RANBP3: variants seen among roughly 807,000 people sequenced by gnomAD.
RANBP3 encodes RAN binding protein 3.
A neutral mutation model predicts 77.3 loss-of-function variants in RANBP3; 14 were observed. The observed-to-expected ratio is 0.18, with a 90% confidence interval of 0.12 to 0.28. The LOEUF is 0.28. Ranked by LOEUF, RANBP3 falls within the 10% of genes least tolerant of loss-of-function variation. The probability of loss-of-function intolerance (pLI) is 1.00; values close to 1 mark genes in which losing one functional copy is unlikely to be tolerated. For synonymous variants in RANBP3, 315 were observed against 312.4 expected, an observed-to-expected ratio of 1.01 and a Z score of -0.09; for missense variants, 586 against 752.3, an observed-to-expected ratio of 0.78 and a Z score of 2.59.
rs35895100 is a variant in RANBP3, at chr19:5,917,633, C to T, written c.1681G>A (p.Gly561Arg). 3.1e-6 allele frequency: 5 copies of T among 1,605,874 alleles called. No individual in the cohort carries two copies. The highest frequency in any genetic ancestry group is 2.2e-5 in the East Asian group (1 of 44,720). The change falls in exon 17 of 17, where the codon GGG becomes AGG. Residue 561 changes from glycine (G) to arginine (R), a missense_variant. Gly to Arg is a moderately radical substitution (Grantham distance 125). Transcript: ENST00000340578. ...CGCTATGTGCTCCCGGTCGTCTGCCCGTCCCCTTCGTCACCAGCACCTGCA... is the reference window on the plus strand; with the variant it reads ...CGCTATGTGCTCCCGGTCGTCTGCCTGTCCCCTTCGTCACCAGCACCTGCA... ...TAAGAGDEGD[G>R]QTTGST
At chr19:5,925,582 G>A (rs554204933) in intron 10 of RANBP3, 52 bp downstream of exon 10, 61 of 1,529,822 alleles carry the variant, frequency 4.0e-5, no homozygotes, top group Admixed American at 1.2e-4. Context: ...AGAAGCCCTC[G>A]CGGCCACCTG....
intron 2 of RANBP3, among the ~76,000 whole-genome samples, chr19:5,956,669 C>G (rs73920099): frequency 0.025 from 3,852 of 152,236 alleles, 162 homozygotes; most frequent in African/African-American, 0.089. Flanking sequence ...CCTCCCCAAC[C>G]CCTACAAACA....
chr19:5,958,932 AG>A lies in RANBP3; in HGVS notation c.23-960del, dbSNP rs1189779147. Among the ~76,000 whole-genome samples the A allele has an allele frequency of 6.6e-6, 1 of 152,210 alleles. No homozygotes were observed. The highest frequency in any genetic ancestry group is 1.5e-5 in the Non-Finnish European group (1 of 68,040). On this transcript the variant is annotated intron_variant, in intron 1 of 16. Transcript: ENST00000340578. The surrounding 1 kb of genome is among the most constrained non-coding windows in gnomAD (Gnocchi z 4.4). ...GCGCACTGGTGCCTCCGCGTTGAGC[AG>A]GGTTTGGGAAGAGCCCTGCCTTCGC...
chr19:5,938,651 C>T (rs2058096000), intron 5 of RANBP3, among the ~76,000 whole-genome samples: 1 of 152,160 alleles, frequency 6.6e-6, no homozygotes, highest in African/African-American at 2.4e-5. Context: ...AAGATCGCCC[C>T]ATTGCACTCC....
Position 5,917,538 on chromosome 19 carries a change from G to GGGGTGGGGGC in RANBP3, c.*62_*71dup, listed in dbSNP as rs2057754744. ...GGCCCCGCACCTGGACGCTGCCGGT[G>GGGGTGGGGGC]GGGTGGGGGCGGGTGGGCGGGTGGA... On this transcript the variant is annotated 3_prime_UTR_variant, in exon 17 of 17. Transcript: ENST00000340578. 2 of 1,474,068 alleles carry GGGGTGGGGGC rather than the reference G, an allele frequency of 1.4e-6. No individual in the cohort carries two copies. The highest frequency in any genetic ancestry group is 1.4e-5 in the African/African-American group (1 of 71,668). 91.3% of individuals were successfully genotyped at this position (1,474,068 alleles called of 1,614,324 possible). A position where few individuals can be genotyped will look rare whatever the true frequency, so the allele number is the denominator to read the frequency against.
At chr19:5,943,239 G>A (rs1423446596) in intron 3 of RANBP3, among the ~76,000 whole-genome samples, 3 of 152,214 alleles carry the variant, frequency 2.0e-5, no homozygotes, top group Admixed American at 6.5e-5. Flanking sequence ...AATGAGGCCC[G>A]CCTGCCTCGA....
At position 5,977,394 on chromosome 19, in the gene RANBP3, G is replaced by A. The variant is rs527699135; in HGVS notation, c.22+667C>T. ...GACTCGCACGGTCTCTTGTCTGGAA[G>A]TGCAGCAAAAAGGGCCAAAGAGCAG... On this transcript the variant is annotated intron_variant, in intron 1 of 16. Transcript: ENST00000340578. Among the ~76,000 whole-genome samples the A allele has an allele frequency of 3.3e-5, 5 of 152,298 alleles. No individual in the cohort carries two copies. In the East Asian group the frequency reaches 9.7e-4, roughly 29 times the overall value.
intron 8 of RANBP3, 91 bp downstream of exon 8, chr19:5,931,313 G>A: frequency 6.9e-7 from 1 of 1,458,284 alleles, no homozygotes; most frequent in South Asian, 1.4e-5. Flanking sequence ...ACAGGTGACA[G>A]CGTGTGGACT....
Position 5,916,450 on chromosome 19 carries a change from G to A in RANBP3, c.*1160C>T, listed in dbSNP as rs981528114. 6.6e-6 allele frequency: 1 copy of A among 152,304 alleles called. No homozygotes were observed. The highest frequency in any genetic ancestry group is 1.5e-5 in the Non-Finnish European group (1 of 68,124). The allele number at this position is 152,304 out of a possible 1,614,324, so 9.4% of individuals were successfully genotyped here. On this transcript the variant is annotated 3_prime_UTR_variant, in exon 17 of 17. Transcript: ENST00000340578. ...GTCCCAAAGAGGCCCTGTGCCCAGGGGACCTCCTCCTCGGCCTCCCAGGTG... is the reference window on the plus strand; with the variant it reads ...GTCCCAAAGAGGCCCTGTGCCCAGGAGACCTCCTCCTCGGCCTCCCAGGTG...
In RANBP3 at chr19:5,923,832, T is replaced by C. The variant is rs892519998; in HGVS notation, c.1079A>G (p.Gln360Arg). The C allele has an allele frequency of 6.2e-7, 1 of 1,613,800 alleles. No homozygotes were observed. The highest frequency in any genetic ancestry group is 1.3e-5 in the African/African-American group (1 of 74,928). ...AAESGSESSSQEATPEKESLA... is the reference protein window; with the variant it reads ...AAESGSESSSREATPEKESLA... ...CATACCTTTCTCAGGGGTGGCCTCC[T>C]GGGACGAGGACTCAGACCCTGACTC... is the stretch of plus-strand genomic sequence containing the variant. The change falls in exon 12 of 17, where the codon CAG becomes CGG. Residue 360 changes from glutamine to arginine, a missense_variant. Physicochemically the swap from Gln to Arg is conservative, Grantham distance 43. Coordinates refer to ENST00000340578, the MANE Select transcript of RANBP3 (RefSeq NM_007322.3).
chr19:5,955,144 T>A (rs998034704), intron 2 of RANBP3, among the ~76,000 whole-genome samples: 1 of 152,250 alleles, frequency 6.6e-6, no homozygotes, highest in Non-Finnish European at 1.5e-5. Context: ...ATTTTTAATT[T>A]TTTTTGAGAT....
chr19:5,941,844 A>G lies in RANBP3; in HGVS notation c.283-9T>C. 6.2e-7 allele frequency: 1 copy of G among 1,612,130 alleles called. No homozygotes were observed. Among genetic ancestry groups the G allele is most frequent in the Non-Finnish European group, 8.5e-7 (1 of 1,180,016 alleles). On this transcript the variant is annotated splice_polypyrimidine_tract_variant and intron_variant, in intron 3 of 16. Coordinates refer to ENST00000340578, the MANE Select transcript of RANBP3 (RefSeq NM_007322.3). ...GAGCCGCCAGCTGACCTCTGAAACA[A>G]GGAGCACACAGCCGGGGTCAGAGGG... is the stretch of plus-strand genomic sequence containing the variant.
intron 1 of RANBP3, among the ~76,000 whole-genome samples, chr19:5,964,152 C>T (rs1047321652): frequency 6.6e-6 from 1 of 152,248 alleles, no homozygotes; most frequent in Admixed American, 6.5e-5. Context: ...CTGGGATTCC[C>T]CAGGACAGGG....
At chr19:5,933,685 G>A (rs1271364047) in intron 5 of RANBP3, 2 of 513,872 alleles carry the variant, frequency 3.9e-6, no homozygotes, top group African/African-American at 3.9e-5. Context: ...AAGGGCAGGA[G>A]GAACGATGGC....
Position 5,952,232 on chromosome 19 carries a change from TG to T in RANBP3, c.79-637del, listed in dbSNP as rs1030980077. The stretch of plus-strand genomic sequence containing the variant: ...GACATGGACACTGAGAGCTGGTTTT[TG>T]CATCAGTGGCAGGCGGGTAGTTCAG... On this transcript the variant is annotated intron_variant, in intron 2 of 16. Coordinates refer to ENST00000340578, the MANE Select transcript of RANBP3 (RefSeq NM_007322.3). This position sits in a 1 kb window ranked among gnomAD's most constrained non-coding sequence, Gnocchi z 4.1. Among the ~76,000 whole-genome samples, 5 of 152,178 alleles carry T rather than the reference TG, an allele frequency of 3.3e-5. No homozygotes were observed. Among genetic ancestry groups the T allele is most frequent in the African/African-American group, 1.2e-4 (5 of 41,442 alleles).
At chr19:5,930,579 C>CT (rs1011001750) in intron 8 of RANBP3, among the ~76,000 whole-genome samples, 6 of 152,140 alleles carry the variant, frequency 3.9e-5, no homozygotes, top group Non-Finnish European at 5.9e-5. Flanking sequence ...GGAACTATTT[C>CT]TTTTTTTAAG....
intron 3 of RANBP3, among the ~76,000 whole-genome samples, chr19:5,948,362 G>A (rs1439269428): frequency 6.6e-6 from 1 of 151,836 alleles, no homozygotes; most frequent in Non-Finnish European, 1.5e-5. Context: ...TGAGGCAGGA[G>A]AACGGCGTGA....
Position 5,958,603 on chromosome 19 carries a change from C to T in RANBP3, c.23-630G>A, listed in dbSNP as rs111635655. Among the ~76,000 whole-genome samples the T allele has an allele frequency of 2.0e-5, 3 of 152,360 alleles. No homozygotes were observed. The highest frequency in any genetic ancestry group is 1.9e-4 in the East Asian group (1 of 5,190). The stretch of plus-strand genomic sequence containing the variant: ...AGAGCAAGGCGGCCTGTAATGCCCA[C>T]GCAACACCATCTGTCTCCTACCCAG... On this transcript the variant is annotated intron_variant, in intron 1 of 16. Coordinates refer to ENST00000340578, the MANE Select transcript of RANBP3 (RefSeq NM_007322.3). This position sits in a 1 kb window ranked among gnomAD's most constrained non-coding sequence, Gnocchi z 4.4.
intron 8 of RANBP3, 165 bp from the exon 9 acceptor site, chr19:5,928,252 T>C (rs1201437831): frequency 2.5e-6 from 2 of 794,750 alleles, no homozygotes. Flanking sequence ...TGCTTGAGCC[T>C]GGGAGTTGTA....
Sources: allele counts gnomAD v4.1 joint callset (sites outside exome capture counted in the v4.1 genomes callset), GRCh38; gene constraint gnomAD v4.1.1; non-coding constraint Gnocchi (gnomAD v3.1); transcripts MANE v1.5; gene names NCBI Gene and HGNC (gene_info 2026-07-23, HGNC 2026-07-21).